HAO1: variants seen among roughly 807,000 people sequenced by gnomAD.
HAO1 encodes the protein hydroxyacid oxidase 1.
In HAO1, 34 loss-of-function variants were observed where a neutral mutation model predicts 39.7. That is an observed-to-expected ratio of 0.86 (90% confidence interval 0.65 to 1.14). The LOEUF (loss-of-function observed/expected upper bound fraction) is 1.14, where lower values mean the gene tolerates loss of function less well. Among genes scored for constraint, HAO1 ranks in the 50% most tolerant of loss-of-function variants. The pLI is 0.00. For missense variants in HAO1, 479 were observed against 464.5 expected (o/e 1.03, Z -0.29); for synonymous variants, 172 against 173.2 (o/e 0.99, Z 0.05).
intron 2 of HAO1, among the ~76,000 whole-genome samples, chr20:7,924,637 C>A (rs1327940319): frequency 6.6e-6 from 1 of 152,080 alleles, no homozygotes; most frequent in East Asian, 1.9e-4. Context: ...TAGATTCAAG[C>A]AGAACAATTA....
intron 4 of HAO1, among the ~76,000 whole-genome samples, chr20:7,901,520 C>G (rs904825064): frequency 6.6e-6 from 1 of 152,132 alleles, no homozygotes; most frequent in East Asian, 1.9e-4. Context: ...ACTGTCGAGA[C>G]CTGCTGCTCA....
intron 3 of HAO1, among the ~76,000 whole-genome samples, chr20:7,906,772 A>G (rs1009736459): frequency 5.3e-5 from 8 of 152,184 alleles, no homozygotes; most frequent in African/African-American, 1.9e-4. Flanking sequence ...TCTTTAAAAG[A>G]CTCTTAGAAA....
In HAO1 at chr20:7,906,066, T is replaced by C. The variant is rs2050246138; in HGVS notation, c.721+88A>G. Reference sequence around the variant, plus strand: ...CTCTCTCAATTTCCATGTTAATTTTTCCTTGTTATTTTCCTTTAAGAATAT... The same window carrying C: ...CTCTCTCAATTTCCATGTTAATTTTCCCTTGTTATTTTCCTTTAAGAATAT... On this transcript the variant is annotated intron_variant, in intron 4 of 7. Transcript: ENST00000378789. The C allele has an allele frequency of 4.4e-6, 4 of 901,142 alleles. No individual in the cohort carries two copies. The East Asian group carries it at 7.3e-5, about 16-fold the overall frequency. The allele number at this position is 901,142 out of a possible 1,614,324, so 55.8% of individuals were successfully genotyped here.
intron 2 of HAO1, among the ~76,000 whole-genome samples, chr20:7,920,963 T>A (rs2050328429): frequency 6.6e-6 from 1 of 152,098 alleles, no homozygotes; most frequent in Non-Finnish European, 1.5e-5. Context: ...CTAAAATGTT[T>A]CTGCACAGCA....
chr20:7,915,487 T>A (rs981484481), intron 2 of HAO1, among the ~76,000 whole-genome samples: 4 of 152,176 alleles, frequency 2.6e-5, no homozygotes, highest in African/African-American at 9.6e-5. Flanking sequence ...ATTTCCCTGG[T>A]AGCTTGCCCA....
intron 7 of HAO1, 55 bp from the exon 8 acceptor site, chr20:7,883,718 G>A (rs2050138707): frequency 7.9e-7 from 1 of 1,271,484 alleles, no homozygotes; most frequent in Non-Finnish European, 1.2e-6. Flanking sequence ...TAATCAGGCA[G>A]GTAATCGTTT....
intron 2 of HAO1, among the ~76,000 whole-genome samples, chr20:7,931,474 C>G (rs2050385357): frequency 6.6e-6 from 1 of 152,040 alleles, no homozygotes; most frequent in African/African-American, 2.4e-5. Flanking sequence ...ATTGTGCATC[C>G]CTAGGCAAGG....
chr20:7,913,262 T>C (rs2050289073), intron 3 of HAO1, among the ~76,000 whole-genome samples: 1 of 151,122 alleles, frequency 6.6e-6, no homozygotes, highest in South Asian at 2.1e-4. Flanking sequence ...ACATTCCTCA[T>C]CATCTTACAT....
At chr20:7,909,317 C>T (rs2050264285) in intron 3 of HAO1, among the ~76,000 whole-genome samples, 1 of 142,808 alleles carries the variant, frequency 7.0e-6, no homozygotes, top group African/African-American at 2.7e-5. Context: ...ACCAAAGGCT[C>T]CAAAAGAAAC....
chr20:7,911,584 C>A (rs1313660323), intron 3 of HAO1, among the ~76,000 whole-genome samples: 1 of 152,056 alleles, frequency 6.6e-6, no homozygotes, highest in South Asian at 2.1e-4. Context: ...TTTCAGGAAC[C>A]CCCTTGCCAT....
chr20:7,936,291 A>G (rs1159238120), intron 1 of HAO1, among the ~76,000 whole-genome samples: 1 of 152,114 alleles, frequency 6.6e-6, no homozygotes, highest in Non-Finnish European at 1.5e-5. Context: ...TCACAGCATG[A>G]TTCTTTGATC....
At chr20:7,923,029 C>T (rs77236931) in intron 2 of HAO1, among the ~76,000 whole-genome samples, 71 of 152,110 alleles carry the variant, frequency 4.7e-4, no homozygotes, top group African/African-American at 1.7e-3. Flanking sequence ...GGAAAAATGC[C>T]ACAAGGGTCT....
intron 3 of HAO1, among the ~76,000 whole-genome samples, chr20:7,909,367 A>ATATATATATATG (rs1163733611): frequency 8.2e-5 from 8 of 97,356 alleles, no homozygotes; most frequent in Admixed American, 6.0e-4. Flanking sequence ...TGACATATAT[A>ATATATATATATG]TATATATATA....
chr20:7,903,840 T>C (rs2050234320), intron 4 of HAO1, among the ~76,000 whole-genome samples: 1 of 144,284 alleles, frequency 6.9e-6, no homozygotes, highest in African/African-American at 2.6e-5. Flanking sequence ...GTTGTCCTGG[T>C]AATGGAGATT....
At chr20:7,890,686 A>G (rs1183560482) in intron 5 of HAO1, among the ~76,000 whole-genome samples, 1 of 152,156 alleles carries the variant, frequency 6.6e-6, no homozygotes, top group African/African-American at 2.4e-5. Flanking sequence ...GTTGTCTTTT[A>G]TCCCTTGCCA....
intron 1 of HAO1, among the ~76,000 whole-genome samples, chr20:7,936,554 G>GTGTGTT (rs1568522216): frequency 6.8e-6 from 1 of 147,648 alleles, no homozygotes; most frequent in South Asian, 2.2e-4. Context: ...GTGTTCGCGC[G>GTGTGTT]CGCGCGCGCG....
At chr20:7,913,366 C>T (rs2050289647) in intron 3 of HAO1, among the ~76,000 whole-genome samples, 1 of 151,966 alleles carries the variant, frequency 6.6e-6, no homozygotes, top group African/African-American at 2.4e-5. Context: ...GCCTGAGGTA[C>T]ATTATACATT....
Position 7,883,571 on chromosome 20 carries a change from G to C in HAO1, c.*22C>G. 2 of 1,581,284 alleles carry C rather than the reference G, an allele frequency of 1.3e-6. No individual in the cohort carries two copies. The highest frequency in any genetic ancestry group is 8.7e-7 in the Non-Finnish European group (1 of 1,150,170). On this transcript the variant is annotated 3_prime_UTR_variant, in exon 8 of 8. Transcript: ENST00000378789. ...ATACATGCTGAAAAAAAATAATACA[G>C]ATGGGAAAATATTGTGCACTGTCAG...
intron 4 of HAO1, among the ~76,000 whole-genome samples, chr20:7,905,162 T>TA (rs2050241624): frequency 6.6e-6 from 1 of 151,254 alleles, no homozygotes; most frequent in Non-Finnish European, 1.5e-5. Context: ...TATATCGATT[T>TA]AAAAAACTAA....
Sources: allele counts gnomAD v4.1 joint callset (sites outside exome capture counted in the v4.1 genomes callset), GRCh38; gene constraint gnomAD v4.1.1; transcripts MANE v1.5; gene names NCBI Gene and HGNC (gene_info 2026-07-23, HGNC 2026-07-21).